PDSS2: variants seen among roughly 807,000 people sequenced by gnomAD.
The protein encoded by PDSS2 is all trans-polyprenyl-diphosphate synthase PDSS2.
In PDSS2, 31 loss-of-function variants were observed where a neutral mutation model predicts 44.5. That is an observed-to-expected ratio of 0.70 (90% CI 0.52 to 0.94). The LOEUF (loss-of-function observed/expected upper bound fraction) is 0.94, where lower values mean the gene tolerates loss of function less well. Ranked by LOEUF, PDSS2 falls within the 40% of genes least tolerant of loss-of-function variation. The pLI is 0.00. For missense variants in PDSS2, 452 were observed against 482.2 expected, an observed-to-expected ratio of 0.94 and a Z score of 0.59; for synonymous variants, 157 against 180.3, an observed-to-expected ratio of 0.87 and a Z score of 1.03.
At chr6:107,266,004 T>A (rs1170213067) in intron 3 of PDSS2, among the ~76,000 whole-genome samples, 1 of 151,892 alleles carries the variant, frequency 6.6e-6, no homozygotes, top group African/African-American at 2.4e-5. Flanking sequence ...GAAATATTTA[T>A]CGCCACCTCC....
In PDSS2 at chr6:107,214,252, C is replaced by T. The variant is rs1375855242; in HGVS notation, c.703-1970G>A. On this transcript the variant is annotated intron_variant, in intron 4 of 7. Coordinates refer to ENST00000369037, the MANE Select transcript of PDSS2 (RefSeq NM_020381.4). ...TCCGAGTAGCTGGACTACAGGCGCC[C>T]GCCACCACGCCCAGCTAATTTTTTG... is the stretch of plus-strand genomic sequence containing the variant. 4.6e-5 allele frequency among the ~76,000 whole-genome samples: 7 copies of T among 152,044 alleles called. No homozygotes were observed. The East Asian group carries it at 5.8e-4, about 13-fold the overall frequency.
At chr6:107,240,677 C>T (rs970808968) in intron 4 of PDSS2, among the ~76,000 whole-genome samples, 17 of 151,184 alleles carry the variant, frequency 1.1e-4, no homozygotes, top group Admixed American at 9.9e-4. Context: ...GGATTACAGG[C>T]GTGAGCCACC....
intron 1 of PDSS2, among the ~76,000 whole-genome samples, chr6:107,382,762 A>T (rs9486603): frequency 1.3e-5 from 2 of 151,850 alleles, no homozygotes; most frequent in Admixed American, 1.3e-4. Flanking sequence ...ATTTGAGCTT[A>T]GGATGTCGAG....
chr6:107,183,152 C>T (rs1399168626), intron 7 of PDSS2, among the ~76,000 whole-genome samples: 1 of 150,086 alleles, frequency 6.7e-6, no homozygotes, highest in Non-Finnish European at 1.5e-5. Flanking sequence ...GTCAATACTG[C>T]AGTGAGCCAT....
chr6:107,454,561 C>A lies in PDSS2; in HGVS notation c.296+4429G>T, dbSNP rs551023401. On this transcript the variant is annotated intron_variant, in intron 1 of 7. Coordinates refer to ENST00000369037, the MANE Select transcript of PDSS2 (RefSeq NM_020381.4). ...ATTTAGTGTTAAAGAATATATGTCA[C>A]ATCTAGGCTGTTTTTCCCTTTTCTT... is the stretch of plus-strand genomic sequence containing the variant. Among the ~76,000 whole-genome samples, 24 of 152,170 alleles carry A rather than the reference C, an allele frequency of 1.6e-4. No individual in the cohort carries two copies. The South Asian group carries it at 5.0e-3, about 32-fold the overall frequency.
At chr6:107,322,507 A>G (rs1305095904) in intron 2 of PDSS2, among the ~76,000 whole-genome samples, 1 of 151,930 alleles carries the variant, frequency 6.6e-6, no homozygotes, top group African/African-American at 2.4e-5. Flanking sequence ...TGACAGAGTG[A>G]GACTATCTCA....
chr6:107,366,082 G>A (rs1778952452), intron 1 of PDSS2, among the ~76,000 whole-genome samples: 1 of 152,092 alleles, frequency 6.6e-6, no homozygotes, highest in African/African-American at 2.4e-5. Context: ...CACACAATGA[G>A]TGCAGAATAT....
intron 7 of PDSS2, among the ~76,000 whole-genome samples, chr6:107,191,496 T>C (rs1294218641): frequency 6.6e-6 from 1 of 152,114 alleles, no homozygotes; most frequent in African/African-American, 2.4e-5. Flanking sequence ...GGGATGACAG[T>C]GCTAATCACA....
intron 2 of PDSS2, among the ~76,000 whole-genome samples, chr6:107,305,357 A>C (rs1039080549): frequency 1.3e-4 from 20 of 151,966 alleles, no homozygotes; most frequent in African/African-American, 4.6e-4. Context: ...TGCTCTTACC[A>C]TGCCTCCTCA....
At chr6:107,290,533 C>T (rs185971909) in intron 2 of PDSS2, among the ~76,000 whole-genome samples, 217 of 152,254 alleles carry the variant, frequency 1.4e-3, no homozygotes, top group Non-Finnish European at 2.3e-3. Flanking sequence ...CTCCACCCCC[C>T]GCCTCTCTGA....
At chr6:107,240,302 G>T (rs976215414) in intron 4 of PDSS2, among the ~76,000 whole-genome samples, 1 of 152,082 alleles carries the variant, frequency 6.6e-6, no homozygotes, top group Non-Finnish European at 1.5e-5. Context: ...CCAGCTATTC[G>T]GAAGGCAAGG....
At chr6:107,333,531 T>G (rs147781434) in intron 2 of PDSS2, among the ~76,000 whole-genome samples, 407 of 152,180 alleles carry the variant, frequency 2.7e-3, no homozygotes, top group African/African-American at 9.0e-3. Flanking sequence ...CAATGAGGTA[T>G]TATTTTATCT....
rs545340123 is a variant in PDSS2, at chr6:107,283,449, G to A, written c.432-9222C>T. Among the ~76,000 whole-genome samples, 30 of 152,266 alleles carry A rather than the reference G, an allele frequency of 2.0e-4. No homozygotes were observed. In the East Asian group the frequency reaches 3.3e-3, roughly 17 times the overall value. On this transcript the variant is annotated intron_variant, in intron 2 of 7. Transcript: ENST00000369037. ...AATAGGAGAAGAATTGTCTGGGCGC[G>A]GTGGCTCACGCCTGTAATTCCAGTA...
At chr6:107,305,057 A>C (rs1449390232) in intron 2 of PDSS2, among the ~76,000 whole-genome samples, 2 of 152,146 alleles carry the variant, frequency 1.3e-5, no homozygotes, top group African/African-American at 4.8e-5. Flanking sequence ...AGCAGAGCAG[A>C]AAGGTCTACT....
chr6:107,452,181 A>C (rs751440726), intron 1 of PDSS2, among the ~76,000 whole-genome samples: 8 of 151,618 alleles, frequency 5.3e-5, no homozygotes, highest in Non-Finnish European at 1.2e-4. Flanking sequence ...GGCATGCACC[A>C]CCGCACAAGC....
chr6:107,417,867 ACATT>A (rs1780712820), intron 1 of PDSS2, among the ~76,000 whole-genome samples: 3 of 152,078 alleles, frequency 2.0e-5, no homozygotes, highest in Admixed American at 2.0e-4. Context: ...AACAACATAA[ACATT>A]CAACAGGGTA....
chr6:107,419,799 T>C (rs1003460011), intron 1 of PDSS2, among the ~76,000 whole-genome samples: 1 of 152,246 alleles, frequency 6.6e-6, no homozygotes, highest in Non-Finnish European at 1.5e-5. Context: ...ATGCATCTTT[T>C]GGTTAACTTA....
intron 1 of PDSS2, among the ~76,000 whole-genome samples, chr6:107,412,342 G>A (rs596211): frequency 0.38 from 55,905 of 148,410 alleles, 12,856 homozygotes; most frequent in Middle Eastern, 0.62. Flanking sequence ...GGGTTCAAGC[G>A]ATTCTCCTGC....
chr6:107,360,215 G>C (rs1230297092), intron 1 of PDSS2, among the ~76,000 whole-genome samples: 1 of 152,180 alleles, frequency 6.6e-6, no homozygotes, highest in Non-Finnish European at 1.5e-5. Flanking sequence ...GAGGTGGCAA[G>C]CAAATATTAG....
Sources: gnomAD v4.1 joint callset for allele counts (sites outside exome capture counted in the v4.1 genomes callset) on GRCh38, gnomAD v4.1.1 for gene constraint, MANE v1.5 for transcripts, NCBI Gene and HGNC (gene_info 2026-07-23, HGNC 2026-07-21) for gene names.